Variants in RBFOX1 observed in about 807,000 individuals in gnomAD.
RBFOX1 encodes RNA binding protein fox-1 homolog 1.
Under a neutral mutation model 57.7 loss-of-function variants are expected in RBFOX1, and 8 were observed. The ratio of observed to expected loss-of-function variants is 0.14; its 90% confidence interval spans 0.08 to 0.25. The LOEUF is 0.25. RBFOX1 is among the 10% of genes least tolerant of loss of function. The pLI, the probability that RBFOX1 is intolerant of heterozygous loss-of-function variation, is 1.00. For synonymous variants in RBFOX1, 326 were observed against 222.4 expected (o/e 1.47, Z -4.15); for missense variants, 611 against 548.5 (o/e 1.11, Z -1.14).
At chr16:7,609,145 C>G (rs561754093) in intron 10 of RBFOX1, among the ~76,000 whole-genome samples, 3 of 152,300 alleles carry the variant, frequency 2.0e-5, no homozygotes, top group South Asian at 4.1e-4. Flanking sequence ...AGTAGTTAGA[C>G]TAAAGAAATG....
At chr16:6,488,618 C>A (rs1023505819) in intron 2 of RBFOX1, among the ~76,000 whole-genome samples, 30 of 152,160 alleles carry the variant, frequency 2.0e-4, no homozygotes, top group African/African-American at 7.2e-4. Flanking sequence ...GCTAAGATAC[C>A]ATTGAAGTTT....
chr16:6,454,218 T>C (rs1361864226), intron 2 of RBFOX1, among the ~76,000 whole-genome samples: 1 of 152,140 alleles, frequency 6.6e-6, no homozygotes, highest in African/African-American at 2.4e-5. Flanking sequence ...ATATATGAAT[T>C]TGGGAGTGGG....
At chr16:6,745,355 C>G (rs190122284) in intron 3 of RBFOX1, among the ~76,000 whole-genome samples, 1 of 151,642 alleles carries the variant, frequency 6.6e-6, no homozygotes, top group Non-Finnish European at 1.5e-5. Flanking sequence ...AAAAAACCCC[C>G]GAAACCACAG....
intron 3 of RBFOX1, among the ~76,000 whole-genome samples, chr16:6,686,221 C>G (rs11077069): frequency 0.038 from 5,760 of 152,264 alleles, 349 homozygotes; most frequent in African/African-American, 0.13. Flanking sequence ...GTTCTTATCA[C>G]TCAGGTAGAG....
chr16:6,006,263 C>T (rs552255666), intron 4 of RBFOX1, among the ~76,000 whole-genome samples: 88 of 152,206 alleles, frequency 5.8e-4, no homozygotes, highest in African/African-American at 2.1e-3. Context: ...ACAGATGTGG[C>T]TGGTCAGAGG....
At chr16:6,612,270 T>G (rs1021419521) in intron 2 of RBFOX1, among the ~76,000 whole-genome samples, 4 of 152,194 alleles carry the variant, frequency 2.6e-5, no homozygotes, top group African/African-American at 9.7e-5. Context: ...AAATTTTGCA[T>G]GATCACAACA....
intron 1 of RBFOX1, among the ~76,000 whole-genome samples, chr16:6,031,393 G>T (rs142583892): frequency 6.7e-4 from 102 of 152,332 alleles, no homozygotes; most frequent in African/African-American, 2.2e-3. Flanking sequence ...GCTCTCAGGA[G>T]CCTGTGCCCT....
intron 2 of RBFOX1, among the ~76,000 whole-genome samples, chr16:6,326,184 C>G (rs1464111399): frequency 6.6e-6 from 1 of 152,222 alleles, no homozygotes; most frequent in Non-Finnish European, 1.5e-5. Flanking sequence ...ACATGCTTAT[C>G]TTGGTAATGC....
intron 4 of RBFOX1, among the ~76,000 whole-genome samples, chr16:7,419,892 T>A (rs1470342768): frequency 6.6e-6 from 1 of 151,620 alleles, no homozygotes; most frequent in African/African-American, 2.4e-5. Flanking sequence ...CAACCTGCAT[T>A]GACCTAAAAG....
intron 14 of RBFOX1, among the ~76,000 whole-genome samples, chr16:7,692,934 C>T (rs527460795): frequency 2.0e-5 from 3 of 151,890 alleles, no homozygotes; most frequent in African/African-American, 7.2e-5. Context: ...ATTTTTCTAG[C>T]TAGCTGTAGT....
At chr16:6,789,308 G>T (rs1374070180) in intron 3 of RBFOX1, among the ~76,000 whole-genome samples, 1 of 152,110 alleles carries the variant, frequency 6.6e-6, no homozygotes, top group Non-Finnish European at 1.5e-5. Flanking sequence ...TATAGCCAGT[G>T]GTATAAGACC....
chr16:5,857,166 G>T (rs570903048), intron 3 of RBFOX1, among the ~76,000 whole-genome samples: 2 of 152,108 alleles, frequency 1.3e-5, no homozygotes, highest in African/African-American at 4.8e-5. Flanking sequence ...AGAATAGGGA[G>T]ACCTGAGGAG....
At chr16:6,553,920 T>C (rs904467672) in intron 2 of RBFOX1, among the ~76,000 whole-genome samples, 40 of 152,130 alleles carry the variant, frequency 2.6e-4, no homozygotes, top group African/African-American at 8.9e-4. Flanking sequence ...TGTACCTAAA[T>C]CATTCCCAAC....
At chr16:6,655,667 G>T (rs541715908) in intron 3 of RBFOX1, among the ~76,000 whole-genome samples, 4 of 152,154 alleles carry the variant, frequency 2.6e-5, no homozygotes, top group Non-Finnish European at 4.4e-5. Context: ...AAGAAGATCA[G>T]ATTTTACCCT....
intron 3 of RBFOX1, among the ~76,000 whole-genome samples, chr16:6,774,242 G>A (rs946543149): frequency 3.3e-5 from 5 of 152,100 alleles, no homozygotes; most frequent in African/African-American, 1.2e-4. Context: ...ACATTTGAAA[G>A]GAAGCTTTTG....
At chr16:6,444,294 A>G (rs1003885031) in intron 2 of RBFOX1, among the ~76,000 whole-genome samples, 1 of 152,068 alleles carries the variant, frequency 6.6e-6, no homozygotes, top group Non-Finnish European at 1.5e-5. Context: ...GTGGACGCCC[A>G]AGGGCTCCAA....
At chr16:6,937,659 T>A (rs1203300432) in intron 3 of RBFOX1, among the ~76,000 whole-genome samples, 1 of 152,108 alleles carries the variant, frequency 6.6e-6, no homozygotes, top group Non-Finnish European at 1.5e-5. Context: ...AGCAAGGGTA[T>A]GGTGCGATGG....
At chr16:6,484,515 C>A (rs150209328) in intron 2 of RBFOX1, among the ~76,000 whole-genome samples, 2 of 152,004 alleles carry the variant, frequency 1.3e-5, no homozygotes, top group Non-Finnish European at 2.9e-5. Context: ...ATGTGCCTTG[C>A]CTTCTCAAGT....
intron 1 of RBFOX1, among the ~76,000 whole-genome samples, chr16:6,233,155 G>A (rs577558502): frequency 1.3e-5 from 2 of 152,260 alleles, no homozygotes; most frequent in African/African-American, 4.8e-5. Context: ...CGATCACAAA[G>A]CAGGTTATGT....
Sources: gnomAD v4.1 joint callset for allele counts (sites outside exome capture counted in the v4.1 genomes callset) on GRCh38, gnomAD v4.1.1 for gene constraint, MANE v1.5 for transcripts, NCBI Gene and HGNC (gene_info 2026-07-23, HGNC 2026-07-21) for gene names.